Variants in LRBA observed in about 807,000 individuals in gnomAD.
LRBA encodes lipopolysaccharide-responsive and beige-like anchor protein.
In LRBA, 176 loss-of-function variants were observed where a neutral mutation model predicts 330.0. The ratio of observed to expected loss-of-function variants is 0.53; its 90% confidence interval spans 0.47 to 0.60. The LOEUF is 0.60. Ranked by LOEUF, LRBA falls within the 20% of genes least tolerant of loss-of-function variation. The pLI is 0.00. For synonymous variants in LRBA, 1,230 were observed against 1,193.0 expected (o/e 1.03, Z -0.64); for missense variants, 3,259 against 3,444.8 (o/e 0.95, Z 1.35).
At chr4:150,570,682 T>A (rs965791960) in intron 40 of LRBA, among the ~76,000 whole-genome samples, 2 of 152,136 alleles carry the variant, frequency 1.3e-5, no homozygotes, top group African/African-American at 2.4e-5. Context: ...CTGTTGTAAG[T>A]TGGCTTCTTT....
chr4:150,794,776 A>T (rs1324355445), intron 34 of LRBA, among the ~76,000 whole-genome samples: 2 of 152,156 alleles, frequency 1.3e-5, no homozygotes, highest in Non-Finnish European at 2.9e-5. Context: ...GCCAGTCCAG[A>T]CTACATGGTG....
intron 2 of LRBA, among the ~76,000 whole-genome samples, chr4:151,010,989 C>T (rs565306983): frequency 4.6e-5 from 7 of 151,830 alleles, no homozygotes; most frequent in African/African-American, 1.4e-4. Context: ...AGATCGAGAC[C>T]ATCCTGGCTG....
chr4:150,565,266 T>C (rs1016112975), intron 40 of LRBA, among the ~76,000 whole-genome samples: 1 of 152,096 alleles, frequency 6.6e-6, no homozygotes, highest in African/African-American at 2.4e-5. Flanking sequence ...CACCACATGT[T>C]CTCACTAATA....
intron 48 of LRBA, among the ~76,000 whole-genome samples, chr4:150,337,314 G>GA (rs563355764): frequency 1.3e-5 from 2 of 151,742 alleles, no homozygotes; most frequent in East Asian, 1.9e-4. Context: ...TAGTTAATAG[G>GA]AAAAAAAATC....
At chr4:150,603,798 C>A (rs1029556420) in intron 37 of LRBA, among the ~76,000 whole-genome samples, 1 of 152,142 alleles carries the variant, frequency 6.6e-6, no homozygotes, top group East Asian at 1.9e-4. Context: ...CTGAGCTTGG[C>A]TGGCAATGCC....
At chr4:150,415,356 G>A in intron 47 of LRBA, 82 bp downstream of exon 47, 1 of 1,258,848 alleles carries the variant, frequency 7.9e-7, no homozygotes, top group Non-Finnish European at 1.1e-6. Flanking sequence ...AGAAGAGCAA[G>A]GGTTAATGAT....
chr4:150,441,587 T>A (rs963370342), intron 44 of LRBA, among the ~76,000 whole-genome samples: 3 of 152,098 alleles, frequency 2.0e-5, no homozygotes, highest in African/African-American at 4.8e-5. Flanking sequence ...CCTGAAGTTA[T>A]CTAATTAAGA....
intron 2 of LRBA, among the ~76,000 whole-genome samples, chr4:150,938,298 C>T (rs559639598): frequency 4.8e-4 from 73 of 152,156 alleles, no homozygotes; most frequent in Middle Eastern, 3.4e-3. Flanking sequence ...AAGTGTCAAC[C>T]TCAAGATATC....
intron 40 of LRBA, among the ~76,000 whole-genome samples, chr4:150,531,165 G>T (rs535700753): frequency 1.3e-5 from 2 of 152,286 alleles, no homozygotes; most frequent in Admixed American, 1.3e-4. Flanking sequence ...TATCTCCAGA[G>T]CCATGGGTAC....
At chr4:151,006,946 C>T (rs1393054568) in intron 2 of LRBA, among the ~76,000 whole-genome samples, 2 of 152,072 alleles carry the variant, frequency 1.3e-5, no homozygotes, top group East Asian at 1.9e-4. Flanking sequence ...AAAATTGATA[C>T]GCTGATCCTA....
intron 47 of LRBA, among the ~76,000 whole-genome samples, chr4:150,367,570 G>A (rs538923571): frequency 3.9e-5 from 6 of 152,296 alleles, no homozygotes; most frequent in East Asian, 1.9e-4. Context: ...CAACTACAGC[G>A]TAAGTAGCAC....
chr4:150,856,592 T>C (rs1751255885), intron 22 of LRBA, among the ~76,000 whole-genome samples: 1 of 152,218 alleles, frequency 6.6e-6, no homozygotes, highest in South Asian at 2.1e-4. Flanking sequence ...GCTTTTAAAA[T>C]TCTAAAGTCA....
intron 9 of LRBA, among the ~76,000 whole-genome samples, chr4:150,909,842 T>A (rs1014311436): frequency 6.6e-6 from 1 of 152,184 alleles, no homozygotes; most frequent in Admixed American, 6.5e-5. Flanking sequence ...TTTTCTTTTT[T>A]AAGTAGTCAT....
chr4:150,914,297 A>G lies in LRBA; in HGVS notation c.1059T>C (p.Ala353=), dbSNP rs779089644. ...TCATCTGACCACAGAATACTCTATT[A>G]GCATCTGCTGTTTCTGATGAGCCCA... is the stretch of plus-strand genomic sequence containing the variant. The part of the protein sequence containing the change: ...CFLGSSETAD[A]NRVFCGQMTA... The change falls in exon 9 of 57, where the codon GCT becomes GCC. Residue 353 remains alanine (A), a synonymous_variant. Coordinates refer to ENST00000651943, the MANE Select transcript of LRBA (RefSeq NM_001364905.1). 1.3e-6 allele frequency: 2 copies of G among 1,598,060 alleles called. No individual in the cohort carries two copies.
chr4:150,870,705 A>G (rs1390970748), intron 19 of LRBA, 99 bp from the exon 20 acceptor site: 2 of 640,300 alleles, frequency 3.1e-6, no homozygotes, highest in African/African-American at 1.8e-5. Flanking sequence ...TTTAAGTACA[A>G]CACTAATCAA....
chr4:150,916,824 A>T (rs756439077), intron 5 of LRBA, 86 bp from the exon 6 acceptor site: 1 of 1,027,326 alleles, frequency 9.7e-7, no homozygotes, highest in African/African-American at 1.6e-5. Context: ...AATGCTACAT[A>T]TATTTGTACT....
intron 37 of LRBA, among the ~76,000 whole-genome samples, chr4:150,617,097 G>C (rs753471218): frequency 3.3e-5 from 5 of 151,902 alleles, no homozygotes; most frequent in Non-Finnish European, 7.4e-5. Flanking sequence ...ACTTTGAGGA[G>C]AATCAAAAAG....
intron 43 of LRBA, among the ~76,000 whole-genome samples, chr4:150,468,135 T>C (rs1473242894): frequency 1.3e-5 from 2 of 152,048 alleles, no homozygotes; most frequent in Non-Finnish European, 2.9e-5. Flanking sequence ...CCAAATAAAA[T>C]ACTCTTTTTT....
At chr4:150,403,156 C>T (rs542148897) in intron 47 of LRBA, among the ~76,000 whole-genome samples, 1 of 152,308 alleles carries the variant, frequency 6.6e-6, no homozygotes, top group East Asian at 1.9e-4. Context: ...GATAGACTGC[C>T]ACTGCAGGTG....
Sources: gnomAD v4.1 joint callset for allele counts (sites outside exome capture counted in the v4.1 genomes callset) on GRCh38, gnomAD v4.1.1 for gene constraint, MANE v1.5 for transcripts, NCBI Gene and HGNC (gene_info 2026-07-23, HGNC 2026-07-21) for gene names.